The following MSH3 variants were observed in gnomAD, a reference collection of about 807,000 sequenced individuals.
MSH3 encodes DNA mismatch repair protein Msh3.
A neutral mutation model predicts 123.3 loss-of-function variants in MSH3; 106 were observed. The ratio of observed to expected loss-of-function variants is 0.86; its 90% CI spans 0.73 to 1.01. MSH3 has a LOEUF of 1.01. Among genes scored for constraint, MSH3 ranks in the 50% least tolerant of loss-of-function variants. MSH3 has a pLI of 0.00. For synonymous variants in MSH3, 515 were observed against 481.4 expected (o/e 1.07, Z -0.91); for missense variants, 1,459 against 1,347.6 (o/e 1.08, Z -1.29).
At chr5:80,736,011 A>C (rs1234825045) in intron 10 of MSH3, among the ~76,000 whole-genome samples, 5 of 152,168 alleles carry the variant, frequency 3.3e-5, no homozygotes, top group Non-Finnish European at 7.3e-5. Flanking sequence ...AGATCACCTG[A>C]GGTCAGGAGT....
chr5:80,860,331 TCTG>T (rs1745994463), intron 21 of MSH3, among the ~76,000 whole-genome samples: 1 of 152,162 alleles, frequency 6.6e-6, no homozygotes, highest in African/African-American at 2.4e-5. Flanking sequence ...TCAGGATAGA[TCTG>T]CTGGCTACAA....
At chr5:80,859,807 G>T (rs1745985644) in intron 21 of MSH3, among the ~76,000 whole-genome samples, 1 of 150,922 alleles carries the variant, frequency 6.6e-6, no homozygotes. Flanking sequence ...CAAACTCCCG[G>T]GCTGAAGTGA....
At chr5:80,854,949 C>A (rs1745891258) in intron 21 of MSH3, among the ~76,000 whole-genome samples, 1 of 152,152 alleles carries the variant, frequency 6.6e-6, no homozygotes, top group South Asian at 2.1e-4. Flanking sequence ...TTTGTGAAAT[C>A]CTTTTTTTCA....
intron 1 of MSH3, 83 bp from the exon 2 acceptor site, chr5:80,656,328 G>C (rs1325178945): frequency 6.4e-7 from 1 of 1,564,738 alleles, no homozygotes; most frequent in Non-Finnish European, 8.8e-7. Context: ...TTGTCATTCA[G>C]TTGTAAGGTT....
At position 80,853,717 on chromosome 5, in the gene MSH3, G is replaced by A. The variant is rs533396411; in HGVS notation, c.2814-413G>A. Among the ~76,000 whole-genome samples, 6 of 152,076 alleles carry A rather than the reference G, an allele frequency of 3.9e-5. 1 individual carries two copies. The highest frequency in any genetic ancestry group is 1.4e-4 in the African/African-American group (6 of 41,498). On this transcript the variant is annotated intron_variant, in intron 20 of 23. Coordinates refer to ENST00000265081, the MANE Select transcript of MSH3 (RefSeq NM_002439.5). ...GTACTTTAATTTGTAATATCAGTATGGAATCTTCTTAAGGAAACACTGAAA... is the reference window on the plus strand; with the variant it reads ...GTACTTTAATTTGTAATATCAGTATAGAATCTTCTTAAGGAAACACTGAAA...
chr5:80,853,692 G>A (rs1275535775), intron 20 of MSH3, among the ~76,000 whole-genome samples: 3 of 151,996 alleles, frequency 2.0e-5, no homozygotes, highest in Admixed American at 6.6e-5. Flanking sequence ...TTTATATGTA[G>A]TACTTTAATT....
At position 80,787,610 on chromosome 5, in the gene MSH3, C is replaced by G. The variant is rs1744532237; in HGVS notation, c.2481C>G (p.His827Gln). The change falls in exon 18 of 24, where the codon CAC (histidine) becomes CAG (glutamine). Residue 827 changes from histidine (H) to glutamine (Q), a missense_variant. By Grantham distance (24) the His-to-Gln change is conservative. Transcript: ENST00000265081. The part of the protein sequence containing the change: ...HYHSLCKAVH[H>Q]LATVDCIFSL... ...ACTCCTTGTGTAAAGCAGTGCATCA[C>G]CTAGCAACTGTTGACTGCATTTTCT... The G allele has an allele frequency of 1.2e-6, 2 of 1,613,876 alleles. No homozygotes were observed. The highest frequency in any genetic ancestry group is 1.7e-5 in the Admixed American group (1 of 60,008).
rs368162490 is a variant in MSH3, at chr5:80,778,736, C to T, written c.2335C>T (p.Arg779Cys). The change falls in exon 17 of 24, where the codon CGC becomes TGC. Residue 779 changes from arginine to cysteine, a missense_variant. Arg to Cys is a radical substitution (Grantham distance 180). Transcript: ENST00000265081. ...VKVGSTKAVS[R>C]FHSPFIVENY... ...CTCTTCTAGCACAAAAGCTGTGAGC[C>T]GCTTTCACTCTCCTTTTATTGTAGA... The T allele has an allele frequency of 6.8e-6, 11 of 1,608,486 alleles. No individual in the cohort carries two copies. Among genetic ancestry groups the T allele is most frequent in the South Asian group, 1.1e-5 (1 of 90,948 alleles).
chr5:80,737,467 A>T lies in MSH3; in HGVS notation c.1569-3997A>T, dbSNP rs1458875526. ...TGGTGTCTGAAATATTGATAAAACT[A>T]TTTTCCCATGTTATATATAAGATTT... On this transcript the variant is annotated intron_variant, in intron 10 of 23. Coordinates refer to ENST00000265081, the MANE Select transcript of MSH3 (RefSeq NM_002439.5). Among the ~76,000 whole-genome samples the T allele has an allele frequency of 2.6e-5, 4 of 152,248 alleles. No homozygotes were observed. In the East Asian group the frequency reaches 7.7e-4, roughly 29 times the overall value.
chr5:80,802,532 G>C (rs947788537), intron 19 of MSH3, among the ~76,000 whole-genome samples: 1 of 151,978 alleles, frequency 6.6e-6, no homozygotes, highest in East Asian at 1.9e-4. Context: ...AGGGTAACTG[G>C]GGTATCCATC....
chr5:80,767,905 A>G (rs766641198), intron 13 of MSH3, 28 bp from the exon 14 acceptor site: 18 of 1,523,782 alleles, frequency 1.2e-5, no homozygotes, highest in African/African-American at 2.7e-5. Flanking sequence ...ATCTTATGCT[A>G]TTTCATAAAA....
rs1180969303 is a variant in MSH3 at position 80,654,978 on chromosome 5, G to A, written c.237+14G>A. 2 of 1,435,864 alleles carry A rather than the reference G, an allele frequency of 1.4e-6. No individual in the cohort carries two copies. The highest frequency in any genetic ancestry group is 2.8e-5 in the East Asian group (1 of 35,486). 88.9% of individuals were successfully genotyped at this position (1,435,864 alleles called of 1,614,324 possible). A position where few individuals can be genotyped will look rare whatever the true frequency, so the allele number is the denominator to read the frequency against. On this transcript the variant is annotated intron_variant, in intron 1 of 23. Transcript: ENST00000265081. ...CCGCCGCACATAGTAGGTTCTGTCT[G>A]GGACTGGGCAGGGCCATCGGGGCTG...
intron 8 of MSH3, among the ~76,000 whole-genome samples, chr5:80,704,203 A>G (rs980732063): frequency 1.3e-5 from 2 of 152,076 alleles, no homozygotes; most frequent in African/African-American, 4.8e-5. Context: ...CGTGGGTCCC[A>G]TGGGCTCAGC....
At chr5:80,695,214 T>G (rs1750450070) in intron 8 of MSH3, among the ~76,000 whole-genome samples, 1 of 152,064 alleles carries the variant, frequency 6.6e-6, no homozygotes, top group African/African-American at 2.4e-5. Flanking sequence ...CTCTCTGCTT[T>G]CCAGATTTGG....
In MSH3 at chr5:80,804,243, G is replaced by A. The variant is rs548408370; in HGVS notation, c.2656-9341G>A. 1.6e-3 allele frequency among the ~76,000 whole-genome samples: 243 copies of A among 152,282 alleles called. 1 individual carries two copies. Among genetic ancestry groups the A allele is most frequent in the African/African-American group, 5.7e-3 (238 of 41,576 alleles). ...TCTTTAATTTTTTGCATTAGTTTAT[G>A]TAGAGCCCTGGGACCTTGAATGAAC... is the stretch of plus-strand genomic sequence containing the variant. On this transcript the variant is annotated intron_variant, in intron 19 of 23. Coordinates refer to ENST00000265081, the MANE Select transcript of MSH3 (RefSeq NM_002439.5).
At chr5:80,730,894 A>ATATATAT (rs1554070428) in intron 10 of MSH3, among the ~76,000 whole-genome samples, 2 of 127,794 alleles carry the variant, frequency 1.6e-5, no homozygotes, top group East Asian at 2.2e-4. Context: ...ATATATATAT[A>ATATATAT]TTTTTTTTTT....
At chr5:80,725,615 A>T in intron 9 of MSH3, 50 bp downstream of exon 9, 1 of 1,269,274 alleles carries the variant, frequency 7.9e-7, no homozygotes, top group Non-Finnish European at 1.2e-6. Flanking sequence ...TGAAATTTGG[A>T]TAAAGGTATT....
chr5:80,685,762 T>A (rs1236121528), intron 8 of MSH3, among the ~76,000 whole-genome samples: 1 of 152,118 alleles, frequency 6.6e-6, no homozygotes, highest in Non-Finnish European at 1.5e-5. Flanking sequence ...TTTGAAATGT[T>A]TCCTCTTTTT....
Position 80,765,714 on chromosome 5 carries a change from A to T in MSH3, c.1897-2219A>T, listed in dbSNP as rs1447005905. Among the ~76,000 whole-genome samples, 3 of 152,280 alleles carry T rather than the reference A, an allele frequency of 2.0e-5. No individual in the cohort carries two copies. The South Asian group carries it at 6.2e-4, about 32-fold the overall frequency. On this transcript the variant is annotated intron_variant, in intron 13 of 23. Transcript: ENST00000265081. ...CTGGTTGTCCCCATATCTGTTGTAT[A>T]GTACTATCTTAGATTCCCTTTACTT... is the stretch of plus-strand genomic sequence containing the variant.
Sources: allele counts gnomAD v4.1 joint callset (sites outside exome capture counted in the v4.1 genomes callset), GRCh38; gene constraint gnomAD v4.1.1; transcripts MANE v1.5; gene names NCBI Gene and HGNC (gene_info 2026-07-23, HGNC 2026-07-21).